Variants in KLF7 observed in about 807,000 individuals in gnomAD.
KLF7 encodes the protein KLF transcription factor 7, also known as Krueppel-like factor 7.
KLF7 carries 2 observed loss-of-function variants against 27.3 expected under a neutral mutation model. That is an observed-to-expected ratio of 0.07 (90% CI 0.03 to 0.23). The LOEUF (loss-of-function observed/expected upper bound fraction) is 0.23. KLF7 is among the 10% of genes least tolerant of loss of function. The pLI is 1.00. For missense variants in KLF7, 221 were observed against 394.1 expected, an observed-to-expected ratio of 0.56 and a Z score of 3.72; for synonymous variants, 165 against 162.4, an observed-to-expected ratio of 1.02 and a Z score of -0.12.
At chr2:207,107,980 T>C (rs1441100349) in intron 2 of KLF7, among the ~76,000 whole-genome samples, 1 of 152,236 alleles carries the variant, frequency 6.6e-6, no homozygotes, top group East Asian at 1.9e-4. Context: ...ATTATTGCTT[T>C]ACTCTTCTCG....
intron 2 of KLF7, among the ~76,000 whole-genome samples, chr2:207,096,451 G>C (rs1184213633): frequency 6.6e-6 from 1 of 152,176 alleles, no homozygotes; most frequent in Non-Finnish European, 1.5e-5. Context: ...TCTGTTTTTA[G>C]CATCTCTGTT....
At chr2:207,084,449 GAAAAA>G (rs1032080277) in intron 3 of KLF7, among the ~76,000 whole-genome samples, 117 of 151,898 alleles carry the variant, frequency 7.7e-4, no homozygotes, top group African/African-American at 2.6e-3. Context: ...AAAAAAAGTG[GAAAAA>G]AGTAAACCAA....
chr2:207,119,032 G>GT (rs764293727), intron 2 of KLF7, among the ~76,000 whole-genome samples: 2 of 152,212 alleles, frequency 1.3e-5, no homozygotes, highest in Non-Finnish European at 2.9e-5. Context: ...TTGCACACTT[G>GT]TATTACTTTT....
chr2:207,088,233 C>A (rs912482513), intron 3 of KLF7, among the ~76,000 whole-genome samples: 1 of 152,158 alleles, frequency 6.6e-6, no homozygotes, highest in African/African-American at 2.4e-5. Context: ...AGCTAGTGTT[C>A]TGTAAATGCT....
At chr2:207,131,186 G>C (rs1447830923) in intron 1 of KLF7, among the ~76,000 whole-genome samples, 1 of 152,238 alleles carries the variant, frequency 6.6e-6, no homozygotes, top group Non-Finnish European at 1.5e-5. Context: ...ATGGTGGTGA[G>C]AAGGATGATG....
intron 1 of KLF7, among the ~76,000 whole-genome samples, chr2:207,141,372 C>A (rs2077938338): frequency 6.6e-6 from 1 of 152,138 alleles, no homozygotes; most frequent in Non-Finnish European, 1.5e-5. Context: ...TCTGAGGATG[C>A]TTTCCTCTAA....
rs141613116 is a variant in KLF7, at chr2:207,078,082, A to G, written c.*3131T>C. 5.1e-4 allele frequency: 77 copies of G among 152,392 alleles called. No homozygotes were observed. The highest frequency in any genetic ancestry group is 1.9e-3 in the African/African-American group (77 of 41,592). The allele number at this position is 152,392 out of a possible 1,614,324, so 9.4% of individuals were successfully genotyped here. A position where few individuals can be genotyped will look rare whatever the true frequency, so the allele number is the denominator to read the frequency against. ...CTCGCTCTAGCGGCTCTTAGTAACC[A>G]TCTCTGCCACTGCAGAGGTGATGGA... On this transcript the variant is annotated 3_prime_UTR_variant, in exon 4 of 4. Transcript: ENST00000309446.
intron 1 of KLF7, among the ~76,000 whole-genome samples, chr2:207,162,607 G>A (rs901850698): frequency 1.3e-5 from 2 of 152,206 alleles, no homozygotes; most frequent in Admixed American, 6.5e-5. Flanking sequence ...ATGTCAAAAC[G>A]AGGATCTCCG....
rs2076153832 is a variant in KLF7, at chr2:207,075,247, A to G, written c.*5966T>C. On this transcript the variant is annotated 3_prime_UTR_variant, in exon 4 of 4. Transcript: ENST00000309446. ...AAAAATAAATTTTTTCTTCATTAATAATTTTGTAACATTAACATACCACCA... is the reference window on the plus strand; with the variant it reads ...AAAAATAAATTTTTTCTTCATTAATGATTTTGTAACATTAACATACCACCA... 1 of 151,870 alleles carries G rather than the reference A, an allele frequency of 6.6e-6. No homozygotes were observed. The highest frequency in any genetic ancestry group is 2.1e-4 in the South Asian group (1 of 4,828). 9.4% of individuals were successfully genotyped at this position (151,870 alleles called of 1,614,324 possible).
intron 1 of KLF7, among the ~76,000 whole-genome samples, chr2:207,158,436 C>T (rs999175676): frequency 7.2e-5 from 11 of 152,178 alleles, no homozygotes; most frequent in African/African-American, 2.7e-4. Context: ...TCAACTGGTA[C>T]ATGGGTTGCT....
intron 1 of KLF7, among the ~76,000 whole-genome samples, chr2:207,135,474 G>A (rs1027340474): frequency 7.3e-6 from 1 of 137,378 alleles, no homozygotes. Flanking sequence ...ATGGATACAA[G>A]CCTCACAACA....
chr2:207,143,207 A>G (rs2077993623), intron 1 of KLF7, among the ~76,000 whole-genome samples: 1 of 152,238 alleles, frequency 6.6e-6, no homozygotes, highest in South Asian at 2.1e-4. Flanking sequence ...GATTAAGCAC[A>G]GAATTAAACT....
chr2:207,105,036 G>A (rs1234317513), intron 2 of KLF7, among the ~76,000 whole-genome samples: 1 of 152,140 alleles, frequency 6.6e-6, no homozygotes, highest in Non-Finnish European at 1.5e-5. Context: ...CTAGAACTTA[G>A]TGTGGGTAGA....
intron 2 of KLF7, among the ~76,000 whole-genome samples, chr2:207,094,091 T>C (rs2076572277): frequency 6.6e-6 from 1 of 152,254 alleles, no homozygotes; most frequent in South Asian, 2.1e-4. Context: ...TCTGAAGATG[T>C]ATTTGAGACA....
intron 2 of KLF7, among the ~76,000 whole-genome samples, chr2:207,096,207 A>C (rs1052961778): frequency 6.6e-6 from 1 of 152,200 alleles, no homozygotes; most frequent in African/African-American, 2.4e-5. Context: ...CTCAGTAAAC[A>C]AGTCCAAGTA....
chr2:207,124,536 G>A, intron 1 of KLF7, 132 bp from the exon 2 acceptor site: 1 of 849,228 alleles, frequency 1.2e-6, no homozygotes, highest in Non-Finnish European at 1.8e-6. Flanking sequence ...TGCCTTAGTA[G>A]AAGGTCTGAC....
the KLF7 span, among the ~76,000 whole-genome samples, chr2:207,172,673 A>G: frequency 6.6e-6 from 1 of 152,128 alleles, no homozygotes; most frequent in African/African-American, 2.4e-5. Flanking sequence ...AAGGGTCTCT[A>G]TTAGTTTTTT....
chr2:207,172,603 C>A, the KLF7 span, among the ~76,000 whole-genome samples: 5 of 152,106 alleles, frequency 3.3e-5, no homozygotes, highest in Non-Finnish European at 7.4e-5. Flanking sequence ...TTGACTTTTA[C>A]AGGATAATCA....
chr2:207,155,373 C>A (rs2078354777), intron 1 of KLF7, among the ~76,000 whole-genome samples: 1 of 152,166 alleles, frequency 6.6e-6, no homozygotes, highest in Non-Finnish European at 1.5e-5. Context: ...ATTTGCTTTG[C>A]AGCCACAGTA....
Sources: gnomAD v4.1 joint callset for allele counts (sites outside exome capture counted in the v4.1 genomes callset) on GRCh38, gnomAD v4.1.1 for gene constraint, MANE v1.5 for transcripts, NCBI Gene and HGNC (gene_info 2026-07-23, HGNC 2026-07-21) for gene names.